MAP2K5: variants seen among roughly 807,000 people sequenced by gnomAD.
MAP2K5 encodes dual specificity mitogen-activated protein kinase kinase 5.
A neutral mutation model predicts 83.1 loss-of-function variants in MAP2K5; 49 were observed. The observed-to-expected ratio is 0.59, with a 90% CI of 0.47 to 0.75. The LOEUF (loss-of-function observed/expected upper bound fraction) is 0.75, where lower values mean the gene tolerates loss of function less well. Among genes scored for constraint, MAP2K5 ranks in the 30% least tolerant of loss-of-function variants. MAP2K5 has a pLI of 0.00. For missense variants in MAP2K5, 457 were observed against 557.5 expected, an observed-to-expected ratio of 0.82 and a Z score of 1.82; for synonymous variants, 202 against 191.8, an observed-to-expected ratio of 1.05 and a Z score of -0.44.
At chr15:67,567,896 G>A (rs2084873457) in intron 3 of MAP2K5, among the ~76,000 whole-genome samples, 3 of 152,000 alleles carry the variant, frequency 2.0e-5, no homozygotes, top group Admixed American at 2.0e-4. Flanking sequence ...TAGTTCTATG[G>A]AGGCCCAGTT....
Position 67,585,901 on chromosome 15 carries a change from C to T in MAP2K5, c.334C>T (p.Pro112Ser), listed in dbSNP as rs757969715. ...AATTACTGTTTCAGCCTGCAAGCCT[C>T]CTGGGGAACGGAACATACATGGCCT... ...LQIFPRACKP[P>S]GERNIHGLKV... The change falls in exon 5 of 22, where the codon CCT (proline) becomes TCT (serine). Residue 112 changes from proline (P) to serine (S), a missense_variant. Pro to Ser is a moderately conservative substitution (Grantham distance 74). Around this residue, in one of 3 missense-constraint regions of MAP2K5, gnomAD observed 234 missense variants for 243.6 expected, o/e 0.96. Coordinates refer to ENST00000178640, the MANE Select transcript of MAP2K5 (RefSeq NM_145160.3). 1.8e-5 allele frequency: 29 copies of T among 1,613,820 alleles called. No individual in the cohort carries two copies. The highest frequency in any genetic ancestry group is 2.4e-5 in the Non-Finnish European group (28 of 1,179,856).
At position 67,640,989 on chromosome 15, in the gene MAP2K5, G is replaced by A. The variant is rs1215768197; in HGVS notation, c.586-5242G>A. Among the ~76,000 whole-genome samples, 1 of 152,136 alleles carries A rather than the reference G, an allele frequency of 6.6e-6. No homozygotes were observed. The highest frequency in any genetic ancestry group is 1.5e-5 in the Non-Finnish European group (1 of 68,008). ...TCATGAAACGTGTTTCTACCTTTTT[G>A]TCTGTTTGTTTGGTGCAGGTAGTCA... On this transcript the variant is annotated intron_variant, in intron 9 of 21. Transcript: ENST00000178640. This position sits in a 1 kb window ranked among gnomAD's most constrained non-coding sequence, Gnocchi z 4.6.
intron 7 of MAP2K5, among the ~76,000 whole-genome samples, chr15:67,594,616 C>G (rs2085484406): frequency 6.6e-6 from 1 of 152,076 alleles, no homozygotes; most frequent in Non-Finnish European, 1.5e-5. Flanking sequence ...GACAGTAAGC[C>G]TAGTACCATA....
Position 67,587,543 on chromosome 15 carries a change from C to T in MAP2K5, c.431+630C>T, listed in dbSNP as rs115688536. Among the ~76,000 whole-genome samples, 854 of 152,316 alleles carry T rather than the reference C, an allele frequency of 5.6e-3. 5 individuals carry two copies. Among genetic ancestry groups the T allele is most frequent in the African/African-American group, 0.018 (733 of 41,568 alleles). ...AATGGTCATCAAATCTCTTACTGAA[C>T]ATCCCTGTCGGAGGAATGCACTTTA... On this transcript the variant is annotated intron_variant, in intron 6 of 21. Transcript: ENST00000178640. This position sits in a 1 kb window ranked among gnomAD's most constrained non-coding sequence, Gnocchi z 4.8.
At chr15:67,575,459 G>A (rs2085035097) in intron 3 of MAP2K5, among the ~76,000 whole-genome samples, 1 of 152,140 alleles carries the variant, frequency 6.6e-6, no homozygotes, top group Non-Finnish European at 1.5e-5. Context: ...TCTTCACACT[G>A]CTTCGCCAGC....
chr15:67,613,835 G>A (rs1269087572), intron 8 of MAP2K5, among the ~76,000 whole-genome samples: 1 of 151,862 alleles, frequency 6.6e-6, no homozygotes, highest in African/African-American at 2.4e-5. Context: ...CTGATATTAC[G>A]GGGAAGAAGG....
At chr15:67,723,759 A>G (rs2089024448) in intron 16 of MAP2K5, among the ~76,000 whole-genome samples, 1 of 152,204 alleles carries the variant, frequency 6.6e-6, no homozygotes, top group Non-Finnish European at 1.5e-5. Context: ...TTTTTAAAAA[A>G]AAAAACTAGA....
At chr15:67,787,287 C>T (rs1378839627) in intron 21 of MAP2K5, among the ~76,000 whole-genome samples, 1 of 152,226 alleles carries the variant, frequency 6.6e-6, no homozygotes, top group Non-Finnish European at 1.5e-5. Context: ...CCGAGTTCAG[C>T]GCTTGTAGCT....
rs192915975 is a variant in MAP2K5 at position 67,759,753 on chromosome 15, G to A, written c.1135-9849G>A. 3.5e-3 allele frequency among the ~76,000 whole-genome samples: 540 copies of A among 152,204 alleles called. 2 individuals carry two copies. The highest frequency in any genetic ancestry group is 0.012 in the African/African-American group (515 of 41,514). ...TGTTCCTGTCACAGCACATAACTGC[G>A]GGTGGTTAAAGGGAGACAGGACCTG... On this transcript the variant is annotated intron_variant, in intron 19 of 21. Transcript: ENST00000178640.
intron 3 of MAP2K5, among the ~76,000 whole-genome samples, chr15:67,579,018 A>G (rs2085122901): frequency 6.6e-6 from 1 of 152,242 alleles, no homozygotes. Flanking sequence ...TATTGTACAT[A>G]GCAGTTAATT....
Position 67,664,640 on chromosome 15 carries a change from A to G in MAP2K5, c.842A>G (p.His281Arg). The change falls in exon 13 of 22, where the codon CAT (histidine) becomes CGT (arginine). Residue 281 changes from histidine (H) to arginine (R), a missense_variant. Coordinates refer to ENST00000178640, the MANE Select transcript of MAP2K5 (RefSeq NM_145160.3). Reference sequence around the variant, plus strand: ...TATTTGTGGAGTTTAAAGATTTTACATAGAGGTATGTGCTGGGCTTATAAG... The same window carrying G: ...TATTTGTGGAGTTTAAAGATTTTACGTAGAGGTATGTGCTGGGCTTATAAG... The part of the protein sequence containing the change: ...LTYLWSLKIL[H>R]RDVKPSNMLV... The G allele has an allele frequency of 3.7e-6, 6 of 1,602,980 alleles. No homozygotes were observed. The highest frequency in any genetic ancestry group is 4.3e-6 in the Non-Finnish European group (5 of 1,170,168).
At chr15:67,761,799 TTC>T (rs1272110933) in intron 19 of MAP2K5, among the ~76,000 whole-genome samples, 2 of 152,208 alleles carry the variant, frequency 1.3e-5, no homozygotes, top group Non-Finnish European at 2.9e-5. Context: ...TCCTAGATTT[TTC>T]TGTTTTGTTT....
At chr15:67,650,336 T>C (rs1339912489) in intron 11 of MAP2K5, among the ~76,000 whole-genome samples, 1 of 152,218 alleles carries the variant, frequency 6.6e-6, no homozygotes, top group Admixed American at 6.5e-5. Flanking sequence ...TTAATTACCC[T>C]GGCTAGAACC....
At chr15:67,740,630 T>A (rs2141264141) in intron 17 of MAP2K5, among the ~76,000 whole-genome samples, 1 of 152,282 alleles carries the variant, frequency 6.6e-6, no homozygotes, top group South Asian at 2.1e-4. Flanking sequence ...GTCTCAGATT[T>A]CTTTTTCAGT....
At chr15:67,589,143 C>T (rs1182733058) in intron 6 of MAP2K5, among the ~76,000 whole-genome samples, 1 of 152,116 alleles carries the variant, frequency 6.6e-6, no homozygotes, top group Non-Finnish European at 1.5e-5. Context: ...CACAGCTGGC[C>T]TTTAAATGTT....
rs542025109 is a variant in MAP2K5 at position 67,687,993 on chromosome 15, G to T, written c.848-4486G>T. Among the ~76,000 whole-genome samples, 17 of 152,258 alleles carry T rather than the reference G, an allele frequency of 1.1e-4. No individual in the cohort carries two copies. In the East Asian group the frequency reaches 2.5e-3, roughly 22 times the overall value. ...AAGGGAAAGGAAGTATCTGAGCTGGGGGGTATTGCTACTGCATACTACGTG... is the reference window on the plus strand; with the variant it reads ...AAGGGAAAGGAAGTATCTGAGCTGGTGGGTATTGCTACTGCATACTACGTG... On this transcript the variant is annotated intron_variant, in intron 13 of 21. Coordinates refer to ENST00000178640, the MANE Select transcript of MAP2K5 (RefSeq NM_145160.3).
In MAP2K5 at chr15:67,769,855, C is replaced by A. The variant is rs111487871; in HGVS notation, c.1196+192C>A. The A allele has an allele frequency of 6.0e-5, 32 of 530,284 alleles. No homozygotes were observed. Among genetic ancestry groups the A allele is most frequent in the African/African-American group, 5.9e-4 (25 of 42,146 alleles). The allele number at this position is 530,284 out of a possible 1,614,324, so 32.8% of individuals were successfully genotyped here. A position where few individuals can be genotyped will look rare whatever the true frequency, so the allele number is the denominator to read the frequency against. On this transcript the variant is annotated intron_variant, in intron 20 of 21. Coordinates refer to ENST00000178640, the MANE Select transcript of MAP2K5 (RefSeq NM_145160.3). This position sits in a 1 kb window ranked among gnomAD's most constrained non-coding sequence, Gnocchi z 5.2. ...TGTAAACGTTATTTACACAAAGGGT[C>A]ATAAGCATACTTCAGAGCCTTTTTC...
rs766339386 is a variant in MAP2K5, at chr15:67,646,295, A to G, written c.650A>G (p.Tyr217Cys). ...ATTATGTCTGAATTGGAAATTCTTT[A>G]TAAGGTAATTTTTTCATAATTTTTA... ...KQIMSELEIL[Y>C]KCDSSYIIGF... is the part of the protein sequence containing the mutation. The change falls in exon 10 of 22, where the codon TAT becomes TGT. Residue 217 changes from tyrosine (Y) to cysteine (C), a missense_variant. Tyr to Cys is a radical substitution (Grantham distance 194). Coordinates refer to ENST00000178640, the MANE Select transcript of MAP2K5 (RefSeq NM_145160.3). The G allele has an allele frequency of 1.4e-6, 2 of 1,457,900 alleles. No individual in the cohort carries two copies. Among genetic ancestry groups the G allele is most frequent in the Admixed American group, 3.5e-5 (2 of 56,920 alleles). 90.3% of individuals were successfully genotyped at this position (1,457,900 alleles called of 1,614,324 possible).
Position 67,698,829 on chromosome 15 carries a change from G to T in MAP2K5, c.973-4508G>T, listed in dbSNP as rs1250897702. 6.6e-6 allele frequency among the ~76,000 whole-genome samples: 1 copy of T among 152,162 alleles called. No individual in the cohort carries two copies. Among genetic ancestry groups the T allele is most frequent in the Non-Finnish European group, 1.5e-5 (1 of 68,024 alleles). On this transcript the variant is annotated intron_variant, in intron 15 of 21. Transcript: ENST00000178640. The surrounding 1 kb of genome is among the most constrained non-coding windows in gnomAD (Gnocchi z 4.5). The stretch of plus-strand genomic sequence containing the variant: ...TCATGCGATGGTAGTAATGGTAGTG[G>T]TGGTGACTGGAAGGAGGCTAACATT...
Sources: gnomAD v4.1 joint callset for allele counts (sites outside exome capture counted in the v4.1 genomes callset) on GRCh38, gnomAD v4.1.1 for gene constraint, gnomAD v4.1.1 regional missense constraint, Gnocchi (gnomAD v3.1) non-coding constraint, MANE v1.5 for transcripts, NCBI Gene and HGNC (gene_info 2026-07-23, HGNC 2026-07-21) for gene names.